HCN1: variants seen among roughly 807,000 people sequenced by gnomAD.
HCN1 encodes hyperpolarization activated cyclic nucleotide gated potassium channel 1.
A neutral mutation model predicts 78.9 loss-of-function variants in HCN1; 13 were observed. The ratio of observed to expected loss-of-function variants is 0.16; its 90% CI spans 0.11 to 0.26. The LOEUF (loss-of-function observed/expected upper bound fraction) is 0.26, where lower values mean the gene tolerates loss of function less well. Ranked by LOEUF, HCN1 falls within the 10% of genes least tolerant of loss-of-function variation. The probability of loss-of-function intolerance (pLI) is 1.00; values close to 1 mark genes in which losing one functional copy is unlikely to be tolerated. For missense variants in HCN1, 810 were observed against 1,154.3 expected, an observed-to-expected ratio of 0.70 and a Z score of 4.32; for synonymous variants, 552 against 455.5, an observed-to-expected ratio of 1.21 and a Z score of -2.70.
At chr5:45,501,011 A>C (rs756674896) in intron 2 of HCN1, among the ~76,000 whole-genome samples, 6 of 152,186 alleles carry the variant, frequency 3.9e-5, no homozygotes, top group Non-Finnish European at 7.3e-5. Flanking sequence ...CTGTGACATA[A>C]AATAAAATGC....
chr5:45,495,624 C>T (rs1742009004), intron 2 of HCN1, among the ~76,000 whole-genome samples: 1 of 152,234 alleles, frequency 6.6e-6, no homozygotes, highest in African/African-American at 2.4e-5. Flanking sequence ...CTGGCCAGAA[C>T]TTCCAACACT....
At position 45,658,288 on chromosome 5, in the gene HCN1, G is replaced by A. The variant is rs557523086; in HGVS notation, c.426-12680C>T. On this transcript the variant is annotated intron_variant, in intron 1 of 7. Transcript: ENST00000303230. ...TAGACCTAAAACCATAAAAACCCTA[G>A]AAGAAAACCTAGGCATTACCATTCA... Among the ~76,000 whole-genome samples, 548 of 152,290 alleles carry A rather than the reference G, an allele frequency of 3.6e-3. 8 individuals carry two copies. Among genetic ancestry groups the A allele is most frequent in the African/African-American group, 0.012 (517 of 41,556 alleles).
At chr5:45,673,133 G>T (rs1746186327) in intron 1 of HCN1, among the ~76,000 whole-genome samples, 2 of 151,248 alleles carry the variant, frequency 1.3e-5, no homozygotes, top group South Asian at 4.2e-4. Flanking sequence ...ACAGTTTGGG[G>T]GGTACTCGTC....
Position 45,625,045 on chromosome 5 carries a change from T to G in HCN1, c.849+20140A>C, listed in dbSNP as rs80078490. ...GTGTAGCTGTTAAAGCAAGGCTACA[T>G]GTTGGTATTAAAAAAATTCATCTGG... On this transcript the variant is annotated intron_variant, in intron 2 of 7. Transcript: ENST00000303230. Among the ~76,000 whole-genome samples the G allele has an allele frequency of 2.0e-5, 3 of 152,136 alleles. No individual in the cohort carries two copies. The East Asian group carries it at 5.8e-4, about 29-fold the overall frequency.
chr5:45,499,815 G>C (rs566771618), intron 2 of HCN1, among the ~76,000 whole-genome samples: 4 of 152,142 alleles, frequency 2.6e-5, no homozygotes, highest in South Asian at 2.1e-4. Flanking sequence ...GAAATGAAAG[G>C]CTTGAAAAAC....
At chr5:45,638,137 G>C (rs1371041645) in intron 2 of HCN1, among the ~76,000 whole-genome samples, 1 of 152,086 alleles carries the variant, frequency 6.6e-6, no homozygotes. Flanking sequence ...AATTAAAAGA[G>C]AAGGAGAAGA....
rs1011842453 is a variant in HCN1 at position 45,257,619 on chromosome 5, T to C, written c.*4302A>G. On this transcript the variant is annotated 3_prime_UTR_variant, in exon 8 of 8. Coordinates refer to ENST00000303230, the MANE Select transcript of HCN1 (RefSeq NM_021072.4). ...ATTGGAAGCAGGGTCAGCATTAGGGTGAGACAAGAGATGCAGGGTTGTGCA... is the reference window on the plus strand; with the variant it reads ...ATTGGAAGCAGGGTCAGCATTAGGGCGAGACAAGAGATGCAGGGTTGTGCA... 6.6e-6 allele frequency: 1 copy of C among 152,048 alleles called. No individual in the cohort carries two copies. Among genetic ancestry groups the C allele is most frequent in the Non-Finnish European group, 1.5e-5 (1 of 68,018 alleles). 9.4% of individuals were successfully genotyped at this position (152,048 alleles called of 1,614,324 possible).
intron 1 of HCN1, among the ~76,000 whole-genome samples, chr5:45,683,886 G>T (rs987209456): frequency 6.6e-6 from 1 of 151,966 alleles, no homozygotes; most frequent in African/African-American, 2.4e-5. Flanking sequence ...GCCCAGGCTG[G>T]TCTGAAACTC....
rs567218507 is a variant in HCN1 at position 45,487,721 on chromosome 5, A to T, written c.850-25714T>A. 2.6e-5 allele frequency among the ~76,000 whole-genome samples: 4 copies of T among 152,236 alleles called. No individual in the cohort carries two copies. The South Asian group carries it at 8.3e-4, about 32-fold the overall frequency. ...TATGGCTTTAATATTTTGCATTTTC[A>T]AAATAATGCAAGAACAGTATTATGA... On this transcript the variant is annotated intron_variant, in intron 2 of 7. Coordinates refer to ENST00000303230, the MANE Select transcript of HCN1 (RefSeq NM_021072.4).
intron 2 of HCN1, among the ~76,000 whole-genome samples, chr5:45,487,169 C>G (rs1159820185): frequency 6.6e-6 from 1 of 152,050 alleles, no homozygotes; most frequent in East Asian, 1.9e-4. Context: ...ATTTTAACAA[C>G]TTTAGGTCAT....
At chr5:45,603,165 G>A (rs1007402362) in intron 2 of HCN1, among the ~76,000 whole-genome samples, 2 of 152,014 alleles carry the variant, frequency 1.3e-5, no homozygotes, top group Non-Finnish European at 2.9e-5. Context: ...TAACCCAAGT[G>A]TACCCTGTTA....
At chr5:45,577,959 C>T (rs926391963) in intron 2 of HCN1, among the ~76,000 whole-genome samples, 2 of 151,888 alleles carry the variant, frequency 1.3e-5, no homozygotes, top group African/African-American at 2.4e-5. Context: ...TTTTGTATGC[C>T]ATCTGTAATT....
At chr5:45,520,127 T>C (rs954061972) in intron 2 of HCN1, among the ~76,000 whole-genome samples, 30 of 152,042 alleles carry the variant, frequency 2.0e-4, no homozygotes, top group Admixed American at 6.6e-4. Flanking sequence ...CTTAGGTTGG[T>C]CCATTCTGTC....
At chr5:45,438,435 A>G (rs1430149645) in intron 3 of HCN1, among the ~76,000 whole-genome samples, 1 of 152,002 alleles carries the variant, frequency 6.6e-6, no homozygotes, top group Non-Finnish European at 1.5e-5. Context: ...TACTAAAAAT[A>G]TAAAAAATTA....
At chr5:45,517,693 C>T (rs1189582552) in intron 2 of HCN1, among the ~76,000 whole-genome samples, 3 of 151,898 alleles carry the variant, frequency 2.0e-5, no homozygotes, top group African/African-American at 7.3e-5. Flanking sequence ...TACCCTATTA[C>T]CATTGGTTCT....
intron 5 of HCN1, among the ~76,000 whole-genome samples, chr5:45,308,383 T>C (rs1219476627): frequency 6.6e-6 from 1 of 152,152 alleles, no homozygotes; most frequent in African/African-American, 2.4e-5. Context: ...AAAAAGCTTA[T>C]TAAAGATGTA....
intron 1 of HCN1, among the ~76,000 whole-genome samples, chr5:45,664,930 C>A (rs1308955953): frequency 1.3e-5 from 2 of 151,808 alleles, no homozygotes; most frequent in Non-Finnish European, 1.5e-5. Flanking sequence ...ACCATTTGAC[C>A]CAGCTAACCC....
intron 2 of HCN1, among the ~76,000 whole-genome samples, chr5:45,546,787 C>T (rs1340243953): frequency 1.3e-5 from 2 of 151,726 alleles, no homozygotes; most frequent in Admixed American, 6.6e-5. Flanking sequence ...TATCGTTATT[C>T]CAACTATACT....
intron 1 of HCN1, among the ~76,000 whole-genome samples, chr5:45,688,679 G>A (rs1214899242): frequency 5.9e-5 from 9 of 151,962 alleles, no homozygotes; most frequent in Non-Finnish European, 1.2e-4. Flanking sequence ...AAACTTGTAC[G>A]AGAATATTCA....
Sources: allele counts gnomAD v4.1 joint callset (sites outside exome capture counted in the v4.1 genomes callset), GRCh38; gene constraint gnomAD v4.1.1; transcripts MANE v1.5; gene names NCBI Gene and HGNC (gene_info 2026-07-23, HGNC 2026-07-21).